SF3B2: variants seen among roughly 807,000 people sequenced by gnomAD.
SF3B2 encodes the protein SAP 145.
Under a neutral mutation model 116.3 loss-of-function variants are expected in SF3B2, and 22 were observed. The observed-to-expected ratio is 0.19, with a 90% CI of 0.14 to 0.27. The LOEUF is 0.27. Ranked by LOEUF, SF3B2 falls within the 10% of genes least tolerant of loss-of-function variation. The pLI is 1.00. For missense variants in SF3B2, 767 were observed against 1,151.4 expected, an observed-to-expected ratio of 0.67 and a Z score of 4.83; for synonymous variants, 406 against 421.6, an observed-to-expected ratio of 0.96 and a Z score of 0.45.
Position 66,059,465 on chromosome 11 carries a change from T to A in SF3B2, c.1321-50T>A. 1 of 1,611,468 alleles carries A rather than the reference T, an allele frequency of 6.2e-7. No individual in the cohort carries two copies. The highest frequency in any genetic ancestry group is 8.5e-7 in the Non-Finnish European group (1 of 1,177,686). On this transcript the variant is annotated intron_variant, in intron 11 of 21. Coordinates refer to ENST00000322535, the MANE Select transcript of SF3B2 (RefSeq NM_006842.3). This position sits in a 1 kb window ranked among gnomAD's most constrained non-coding sequence, Gnocchi z 5.0. The stretch of plus-strand genomic sequence containing the variant: ...CTTAAGGTTGGGGTGGGTTGGGCAG[T>A]TTCATTCACATCTGAGTCCTGCTTA...
chr11:66,055,001 A>G, intron 3 of SF3B2, 75 bp from the exon 4 acceptor site: 4 of 1,429,326 alleles, frequency 2.8e-6, no homozygotes, highest in Non-Finnish European at 3.7e-6. Flanking sequence ...CTCCTGACTC[A>G]AAGTAGATCC....
chr11:66,055,695 A>G lies in SF3B2; in HGVS notation c.549+110A>G, dbSNP rs556900826. 2.1e-5 allele frequency: 20 copies of G among 961,392 alleles called. No individual in the cohort carries two copies. In the South Asian group the frequency reaches 2.5e-4, roughly 12 times the overall value. 59.6% of individuals were successfully genotyped at this position (961,392 alleles called of 1,614,324 possible). A position where few individuals can be genotyped will look rare whatever the true frequency, so the allele number is the denominator to read the frequency against. On this transcript the variant is annotated intron_variant, in intron 5 of 21. Transcript: ENST00000322535. The stretch of plus-strand genomic sequence containing the variant: ...TTCCCTGGAGGCTACTTTGTTCTCA[A>G]CTAAGTTCTAGTATCTTCCAAAGCT...
Position 66,057,256 on chromosome 11 carries a change from C to T in SF3B2, c.668-10C>T, listed in dbSNP as rs369292605. The T allele has an allele frequency of 2.7e-4, 406 of 1,523,134 alleles. 1 individual carries two copies. In the South Asian group the frequency reaches 3.8e-3, roughly 14 times the overall value. The allele number at this position is 1,523,134 out of a possible 1,614,324, so 94.4% of individuals were successfully genotyped here. Reference sequence around the variant, plus strand: ...CTTCTGACATTGGATTTCTTTTTCCCGTCTCTTAGTAGCTGCTCCAGTGGG... The same window carrying T: ...CTTCTGACATTGGATTTCTTTTTCCTGTCTCTTAGTAGCTGCTCCAGTGGG... On this transcript the variant is annotated splice_polypyrimidine_tract_variant and intron_variant, in intron 6 of 21. Coordinates refer to ENST00000322535, the MANE Select transcript of SF3B2 (RefSeq NM_006842.3).
chr11:66,058,633 C>T (rs1161912036), intron 9 of SF3B2, 197 bp from the exon 10 acceptor site: 11 of 634,954 alleles, frequency 1.7e-5, no homozygotes, highest in Non-Finnish European at 2.7e-5. Flanking sequence ...GTAATTTACC[C>T]AAAGGCATAC....
At chr11:66,067,389 G>A in intron 19 of SF3B2, 1 of 456,254 alleles carries the variant, frequency 2.2e-6, no homozygotes, top group Non-Finnish European at 4.4e-6. Context: ...TCTGGCTCCT[G>A]TGTGGACAAT....
chr11:66,055,656 G>A (rs1016382979), intron 5 of SF3B2, 71 bp downstream of exon 5: 3 of 1,403,560 alleles, frequency 2.1e-6, no homozygotes, highest in South Asian at 1.2e-5. Flanking sequence ...TGCTTAGAGT[G>A]CACCATTCAA....
chr11:66,061,043 G>A (rs891245262), intron 14 of SF3B2, among the ~76,000 whole-genome samples: 3 of 152,122 alleles, frequency 2.0e-5, no homozygotes, highest in Non-Finnish European at 2.9e-5. Context: ...TGATCCACCC[G>A]CCTCAGCCTC....
Position 66,052,406 on chromosome 11 carries a change from C to G in SF3B2, c.22C>G (p.Pro8Ala). The change falls in exon 1 of 22, where the codon CCT (proline) becomes GCT (alanine). Residue 8 changes from proline (P) to alanine (A), a missense_variant. This residue lies in a region of SF3B2 where 455 missense variants were observed against 537.5 expected (regional missense o/e 0.85). Transcript: ENST00000322535. MATEHPE[P>A]PKAELQLPPP... Reference sequence around the variant, plus strand: ...TAAGATGGCGACGGAGCATCCCGAGCCTCCCAAAGCAGAATTGCAGCTGCC... The same window carrying G: ...TAAGATGGCGACGGAGCATCCCGAGGCTCCCAAAGCAGAATTGCAGCTGCC... The G allele has an allele frequency of 6.2e-7, 1 of 1,612,268 alleles. No homozygotes were observed. The highest frequency in any genetic ancestry group is 8.5e-7 in the Non-Finnish European group (1 of 1,179,556).
At chr11:66,065,746 C>G (rs561938537) in intron 19 of SF3B2, 1 of 152,170 alleles carries the variant, frequency 6.6e-6, no homozygotes, top group African/African-American at 2.4e-5. Flanking sequence ...AATTTCTGAT[C>G]TAACAGTAAT....
intron 9 of SF3B2, 78 bp from the exon 10 acceptor site, chr11:66,058,751 TG>T: frequency 8.3e-7 from 1 of 1,202,874 alleles, no homozygotes; most frequent in South Asian, 1.4e-5. Flanking sequence ...TGGGGGAGAA[TG>T]GGGGAGGAGT....
intron 2 of SF3B2, 96 bp from the exon 3 acceptor site, chr11:66,052,931 A>AC (rs1856912402): frequency 7.5e-6 from 10 of 1,327,832 alleles, no homozygotes; most frequent in Non-Finnish European, 1.1e-5. Flanking sequence ...GCTGGCAGAC[A>AC]GGCACTGGGT....
intron 14 of SF3B2, 125 bp from the exon 15 acceptor site, chr11:66,061,561 A>C (rs765796327): frequency 1.8e-5 from 13 of 735,740 alleles, no homozygotes; most frequent in East Asian, 1.1e-4. Flanking sequence ...CCAGGGAAAG[A>C]AGTGATGAGA....
chr11:66,063,935 T>C (rs1857137294), intron 19 of SF3B2, among the ~76,000 whole-genome samples: 1 of 152,130 alleles, frequency 6.6e-6, no homozygotes, highest in Non-Finnish European at 1.5e-5. Flanking sequence ...GATAAGGATG[T>C]TGAAGCAGAG....
intron 1 of SF3B2, 30 bp from the exon 2 acceptor site, chr11:66,052,643 G>C: frequency 6.3e-7 from 1 of 1,597,822 alleles, no homozygotes. Flanking sequence ...GGGCTGGCCT[G>C]CCCCATTGAT....
At position 66,052,366 on chromosome 11, in the gene SF3B2, G is replaced by T; in HGVS notation, c.-19G>T. On this transcript the variant is annotated 5_prime_UTR_variant, in exon 1 of 22. Coordinates refer to ENST00000322535, the MANE Select transcript of SF3B2 (RefSeq NM_006842.3). ...TGGCCCCAGCTTCCGGGTTGGTCGC[G>T]CGCCTTCCTGCGGCTAAGATGGCGA... 6 of 1,604,510 alleles carry T rather than the reference G, an allele frequency of 3.7e-6. No homozygotes were observed. The highest frequency in any genetic ancestry group is 5.1e-6 in the Non-Finnish European group (6 of 1,175,792).
At chr11:66,052,551 G>T in intron 1 of SF3B2, 34 bp downstream of exon 1, 1 of 1,599,786 alleles carries the variant, frequency 6.3e-7, no homozygotes, top group Non-Finnish European at 8.5e-7. Context: ...GGCCTTTACG[G>T]GCCTGCGGAG....
chr11:66,059,228 G>C lies in SF3B2; in HGVS notation c.1210G>C (p.Glu404Gln), dbSNP rs771889770. The change falls in exon 11 of 22, where the codon GAG becomes CAG. Residue 404 changes from glutamate (E) to glutamine (Q), a missense_variant. Around this residue, in one of 4 missense-constraint regions of SF3B2, gnomAD observed 455 missense variants for 537.5 expected, o/e 0.85. Transcript: ENST00000322535. This position sits in a 1 kb window ranked among gnomAD's most constrained non-coding sequence, Gnocchi z 5.0. ...CACTGATGATGTGAAGAAGGAGAAA[G>C]AGAAGGAGCCAGAGAAACTTGACAA... Reference protein sequence around the residue: ...KLTDDVKKEKEKEPEKLDKLE... With the variant: ...KLTDDVKKEKQKEPEKLDKLE... The C allele has an allele frequency of 6.2e-7, 1 of 1,614,084 alleles. No individual in the cohort carries two copies. The highest frequency in any genetic ancestry group is 8.5e-7 in the Non-Finnish European group (1 of 1,180,004).
chr11:66,055,802 T>C, intron 5 of SF3B2: 1 of 509,076 alleles, frequency 2.0e-6, no homozygotes, highest in South Asian at 3.5e-5. Flanking sequence ...AAAAATAACT[T>C]TAAAATTTTT....
At position 66,069,181 on chromosome 11, in the gene SF3B2, C is replaced by T. The variant is rs1434627687; in HGVS notation, c.*436C>T. 5.6e-6 allele frequency: 2 copies of T among 354,288 alleles called. No homozygotes were observed. Among genetic ancestry groups the T allele is most frequent in the African/African-American group, 2.1e-5 (1 of 46,898 alleles). 21.9% of individuals were successfully genotyped at this position (354,288 alleles called of 1,614,324 possible). On this transcript the variant is annotated 3_prime_UTR_variant, in exon 22 of 22. Coordinates refer to ENST00000322535, the MANE Select transcript of SF3B2 (RefSeq NM_006842.3). ...AAATAGCCAGATTAGCGCCCTAGCG[C>T]GGCAGAGGAAGTAACAGTGGGCTTG...
Sources: gnomAD v4.1 joint callset for allele counts (sites outside exome capture counted in the v4.1 genomes callset) on GRCh38, gnomAD v4.1.1 for gene constraint, gnomAD v4.1.1 regional missense constraint, Gnocchi (gnomAD v3.1) non-coding constraint, MANE v1.5 for transcripts, NCBI Gene and HGNC (gene_info 2026-07-23, HGNC 2026-07-21) for gene names.